The following ZCCHC24 variants were observed in gnomAD, a reference collection of about 807,000 sequenced individuals.
The protein encoded by ZCCHC24 is zinc finger CCHC domain-containing protein 24.
In ZCCHC24, 10 loss-of-function variants were observed where a neutral mutation model predicts 26.2. The observed-to-expected ratio is 0.38, with a 90% CI of 0.24 to 0.65. The LOEUF (loss-of-function observed/expected upper bound fraction) is 0.65. ZCCHC24 is among the 30% of genes least tolerant of loss of function. ZCCHC24 has a pLI of 0.54. For missense variants in ZCCHC24, 243 were observed against 329.1 expected, an observed-to-expected ratio of 0.74 and a Z score of 2.03; for synonymous variants, 144 against 147.1, an observed-to-expected ratio of 0.98 and a Z score of 0.15.
chr10:79,398,634 A>C (rs1222296243), intron 2 of ZCCHC24, among the ~76,000 whole-genome samples: 1 of 152,188 alleles, frequency 6.6e-6, no homozygotes, highest in Non-Finnish European at 1.5e-5. Flanking sequence ...AAGCAAAAGA[A>C]GAAACAGCAT....
intron 2 of ZCCHC24, among the ~76,000 whole-genome samples, chr10:79,399,288 AAAGGCTT>A (rs1191385996): frequency 6.6e-6 from 1 of 152,222 alleles, no homozygotes; most frequent in African/African-American, 2.4e-5. Flanking sequence ...CTAACGGAAC[AAAGGCTT>A]CTCTACTCAC....
At chr10:79,430,901 G>A (rs1429374287) in intron 2 of ZCCHC24, among the ~76,000 whole-genome samples, 3 of 152,272 alleles carry the variant, frequency 2.0e-5, no homozygotes, top group South Asian at 2.1e-4. Context: ...CTGCCTGCCT[G>A]GATTAAAATC....
At chr10:79,389,751 G>A (rs1344952060) in intron 3 of ZCCHC24, among the ~76,000 whole-genome samples, 1 of 152,002 alleles carries the variant, frequency 6.6e-6, no homozygotes, top group African/African-American at 2.4e-5. Context: ...AAGTAGCTGG[G>A]ATTACAGGTG....
At chr10:79,426,679 A>G (rs1056930132) in intron 2 of ZCCHC24, among the ~76,000 whole-genome samples, 2 of 152,250 alleles carry the variant, frequency 1.3e-5, no homozygotes, top group African/African-American at 4.8e-5. Context: ...TAACTCACAA[A>G]ACATAGTGAA....
intron 2 of ZCCHC24, among the ~76,000 whole-genome samples, chr10:79,430,402 CA>C (rs1217515735): frequency 6.6e-6 from 1 of 151,692 alleles, no homozygotes; most frequent in Non-Finnish European, 1.5e-5. Context: ...CTTGGAGTGA[CA>C]AGGAGCTTAA....
intron 1 of ZCCHC24, among the ~76,000 whole-genome samples, chr10:79,435,920 TC>T (rs11331995): frequency 0.6 from 91,270 of 152,074 alleles, 27,780 homozygotes; most frequent in African/African-American, 0.7. Flanking sequence ...CAGAGCTCTA[TC>T]CCCCTCCTGC....
chr10:79,436,111 G>GTTCTGTGGCCTTCC (rs1333818931), intron 1 of ZCCHC24, among the ~76,000 whole-genome samples: 15 of 152,198 alleles, frequency 9.9e-5, no homozygotes, highest in African/African-American at 3.6e-4. Flanking sequence ...GGCACCATCT[G>GTTCTGTGGCCTTCC]TTCTGTGGCC....
intron 2 of ZCCHC24, among the ~76,000 whole-genome samples, chr10:79,416,495 G>C (rs1181275225): frequency 6.6e-6 from 1 of 152,128 alleles, no homozygotes; most frequent in Non-Finnish European, 1.5e-5. Context: ...AAGGTGGGGA[G>C]GAGGGGATTA....
intron 1 of ZCCHC24, among the ~76,000 whole-genome samples, chr10:79,438,061 G>T (rs1857238874): frequency 6.6e-6 from 1 of 152,170 alleles, no homozygotes; most frequent in Non-Finnish European, 1.5e-5. Flanking sequence ...TCTGGGCCAG[G>T]CTACCAGGCA....
chr10:79,391,501 CCT>C (rs1856478018), intron 3 of ZCCHC24, among the ~76,000 whole-genome samples: 1 of 151,934 alleles, frequency 6.6e-6, no homozygotes, highest in Non-Finnish European at 1.5e-5. Flanking sequence ...CAGGCTGGGC[CCT>C]GTCTCTCTGC....
chr10:79,444,068 A>G (rs779352756), intron 1 of ZCCHC24: 5 of 1,531,848 alleles, frequency 3.3e-6, no homozygotes, highest in African/African-American at 2.8e-5. Context: ...TTCCTCCCCA[A>G]CCCATTCAGG....
In ZCCHC24 at chr10:79,384,471, G is replaced by C. The variant is rs1357824140; in HGVS notation, c.*1874C>G. On this transcript the variant is annotated 3_prime_UTR_variant, in exon 4 of 4. Transcript: ENST00000372336. Reference sequence around the variant, plus strand: ...GAAGCCTGGGCCGGGGCCAACCCCAGCTCACCTCAACACCTTGGAGAAGAC... The same window carrying C: ...GAAGCCTGGGCCGGGGCCAACCCCACCTCACCTCAACACCTTGGAGAAGAC... 6.6e-6 allele frequency: 1 copy of C among 152,526 alleles called. No individual in the cohort carries two copies. The highest frequency in any genetic ancestry group is 1.9e-4 in the East Asian group (1 of 5,310). The allele number at this position is 152,526 out of a possible 1,614,324, so 9.4% of individuals were successfully genotyped here.
intron 2 of ZCCHC24, among the ~76,000 whole-genome samples, chr10:79,424,281 C>A (rs1856997183): frequency 6.6e-6 from 1 of 152,214 alleles, no homozygotes; most frequent in Non-Finnish European, 1.5e-5. Flanking sequence ...ATTGTGGTGT[C>A]CTCTAATGCT....
At chr10:79,434,270 T>C (rs1857184694) in intron 1 of ZCCHC24, among the ~76,000 whole-genome samples, 1 of 152,314 alleles carries the variant, frequency 6.6e-6, no homozygotes, top group East Asian at 1.9e-4. Flanking sequence ...AACTTCTGTA[T>C]CACTGCCTGG....
At chr10:79,403,510 C>T (rs1034271161) in intron 2 of ZCCHC24, 2 of 985,470 alleles carry the variant, frequency 2.0e-6, no homozygotes, top group Non-Finnish European at 2.4e-6. Context: ...ACGGAGGCCC[C>T]GGAGGAAGCA....
At position 79,401,625 on chromosome 10, in the gene ZCCHC24, A is replaced by T. The variant is rs192949237; in HGVS notation, c.448-7185T>A. 2.3e-3 allele frequency among the ~76,000 whole-genome samples: 352 copies of T among 152,332 alleles called. 3 individuals are homozygous for T. The highest frequency in any genetic ancestry group is 9.5e-3 in the South Asian group (46 of 4,824). Reference sequence around the variant, plus strand: ...TCATGGGTCCTGGCATGCTGGGGGCATCCCTCCCCATCTCTGGGCCTCAGT... The same window carrying T: ...TCATGGGTCCTGGCATGCTGGGGGCTTCCCTCCCCATCTCTGGGCCTCAGT... On this transcript the variant is annotated intron_variant, in intron 2 of 3. Transcript: ENST00000372336.
intron 2 of ZCCHC24, among the ~76,000 whole-genome samples, chr10:79,397,207 C>T (rs758383565): frequency 3.9e-5 from 6 of 152,228 alleles, no homozygotes; most frequent in African/African-American, 7.2e-5. Flanking sequence ...CACTGCCTAA[C>T]GTCTTTGGAT....
intron 2 of ZCCHC24, among the ~76,000 whole-genome samples, chr10:79,432,019 G>A (rs565490678): frequency 7.2e-5 from 11 of 152,276 alleles, no homozygotes; most frequent in South Asian, 2.1e-4. Flanking sequence ...GAGATGCTCC[G>A]CCCTGCAGTG....
intron 2 of ZCCHC24, among the ~76,000 whole-genome samples, chr10:79,414,421 T>C (rs1190664171): frequency 6.6e-6 from 1 of 152,156 alleles, no homozygotes; most frequent in Non-Finnish European, 1.5e-5. Context: ...AATCTCACAC[T>C]CTTAAAGTCA....
Sources: gnomAD v4.1 joint callset for allele counts (sites outside exome capture counted in the v4.1 genomes callset) on GRCh38, gnomAD v4.1.1 for gene constraint, MANE v1.5 for transcripts, NCBI Gene and HGNC (gene_info 2026-07-23, HGNC 2026-07-21) for gene names.